The following IQGAP2 variants were observed in gnomAD, a reference collection of about 807,000 sequenced individuals.
IQGAP2 encodes the protein IQ motif containing GTPase activating protein 2, also known as ras GTPase-activating-like protein IQGAP2.
IQGAP2 carries 173 observed loss-of-function variants against 201.3 expected under a neutral mutation model. The ratio of observed to expected loss-of-function variants is 0.86; its 90% CI spans 0.76 to 0.98. The LOEUF is 0.98. Ranked by LOEUF, IQGAP2 falls within the 50% of genes least tolerant of loss-of-function variation. The probability of loss-of-function intolerance (pLI) is 0.00; values close to 1 mark genes in which losing one functional copy is unlikely to be tolerated. For synonymous variants in IQGAP2, 675 were observed against 673.9 expected, an observed-to-expected ratio of 1.00 and a Z score of -0.03; for missense variants, 1,687 against 1,864.8, an observed-to-expected ratio of 0.90 and a Z score of 1.76.
chr5:76,493,871 C>T (rs115401629), intron 2 of IQGAP2, among the ~76,000 whole-genome samples: 2,155 of 152,324 alleles, frequency 0.014, 63 homozygotes, highest in African/African-American at 0.05. Context: ...GATCCTGTCA[C>T]AGCCTAAATT....
chr5:76,547,590 G>T (rs1045562243), intron 2 of IQGAP2: 1 of 176,762 alleles, frequency 5.7e-6, no homozygotes, highest in African/African-American at 2.4e-5. Flanking sequence ...CCAGGAAGGA[G>T]AATCTGCTTC....
intron 1 of IQGAP2, among the ~76,000 whole-genome samples, chr5:76,410,898 A>G (rs1751070890): frequency 6.6e-6 from 1 of 152,138 alleles, no homozygotes; most frequent in South Asian, 2.1e-4. Flanking sequence ...CTCTAATTGG[A>G]CCTTCCTTTA....
chr5:76,705,236 T>G (rs1412823493), intron 35 of IQGAP2, among the ~76,000 whole-genome samples: 1 of 152,184 alleles, frequency 6.6e-6, no homozygotes, highest in Non-Finnish European at 1.5e-5. Flanking sequence ...TCTCATAGGA[T>G]TCCAGTTGAT....
intron 1 of IQGAP2, among the ~76,000 whole-genome samples, chr5:76,439,737 G>A (rs999429384): frequency 6.6e-6 from 1 of 151,896 alleles, no homozygotes; most frequent in African/African-American, 2.4e-5. Context: ...GTTTATTTGA[G>A]TCCCTGTATG....
At chr5:76,705,477 C>T (rs1747794009) in intron 35 of IQGAP2, among the ~76,000 whole-genome samples, 3 of 152,218 alleles carry the variant, frequency 2.0e-5, no homozygotes, top group African/African-American at 7.2e-5. Context: ...CTGCTCCCTA[C>T]TTTGGGGACC....
At chr5:76,456,273 C>T (rs1488988980) in intron 1 of IQGAP2, among the ~76,000 whole-genome samples, 1 of 152,164 alleles carries the variant, frequency 6.6e-6, no homozygotes, top group Non-Finnish European at 1.5e-5. Context: ...TTCATCGTTT[C>T]AGATTCTTTA....
At position 76,481,203 on chromosome 5, in the gene IQGAP2, C is replaced by A. The variant is rs567840957; in HGVS notation, c.146+19534C>A. Among the ~76,000 whole-genome samples the A allele has an allele frequency of 3.3e-5, 5 of 152,146 alleles. No homozygotes were observed. In the East Asian group the frequency reaches 9.7e-4, roughly 29 times the overall value. ...AGCAGCAGCCTTATATGGGAACTGA[C>A]AATATTGTCTCTACCGGGGCTGTCC... On this transcript the variant is annotated intron_variant, in intron 2 of 35. Transcript: ENST00000274364.
intron 5 of IQGAP2, among the ~76,000 whole-genome samples, chr5:76,584,568 G>A (rs1186158664): frequency 9.4e-6 from 1 of 105,836 alleles, no homozygotes; most frequent in Non-Finnish European, 2.0e-5. Flanking sequence ...CCTAGGACCA[G>A]CAGAACTATA....
At position 76,461,655 on chromosome 5, in the gene IQGAP2, A is replaced by G; in HGVS notation, c.132A>G (p.Leu44=). Residue 44 remains leucine (L), a synonymous_variant, in exon 2 of 36, where the codon TTA becomes TTG. Coordinates refer to ENST00000274364, the MANE Select transcript of IQGAP2 (RefSeq NM_006633.5). ...TTGCTTATGAATATCTGTGCCACTT[A>G]GAGGAAGCCAAAAGGTAAGATCCAG... The part of the protein sequence containing the change: ...QNIAYEYLCH[L]EEAKRWMEVC... 6.2e-7 allele frequency: 1 copy of G among 1,612,664 alleles called. No individual in the cohort carries two copies. The highest frequency in any genetic ancestry group is 1.3e-5 in the African/African-American group (1 of 75,016).
In IQGAP2 at chr5:76,496,765, C is replaced by G. The variant is rs1454281831; in HGVS notation, c.146+35096C>G. On this transcript the variant is annotated intron_variant, in intron 2 of 35. Transcript: ENST00000274364. ...TCTTTCTTTCTTTCTTTCTTTCTTT[C>G]TTTCTTTCTTTCTTTCTTTCTTTCT... Among the ~76,000 whole-genome samples, 297 of 72,028 alleles carry G rather than the reference C, an allele frequency of 4.1e-3. 4 individuals carry two copies. Among genetic ancestry groups the G allele is most frequent in the African/African-American group, 0.02 (285 of 14,156 alleles). 47.3% of individuals were successfully genotyped at this position (72,028 alleles called of 152,430 possible). A position where few individuals can be genotyped will look rare whatever the true frequency, so the allele number is the denominator to read the frequency against.
At chr5:76,582,905 G>A (rs1745974236) in intron 5 of IQGAP2, among the ~76,000 whole-genome samples, 1 of 152,198 alleles carries the variant, frequency 6.6e-6, no homozygotes, top group Admixed American at 6.5e-5. Context: ...AGGAGCACAT[G>A]GGTCAATGAG....
At position 76,695,750 on chromosome 5, in the gene IQGAP2, G is replaced by A. The variant is rs1332674357; in HGVS notation, c.4206+84G>A. The A allele has an allele frequency of 2.9e-6, 3 of 1,049,162 alleles. No homozygotes were observed. In the African/African-American group the frequency reaches 4.8e-5, roughly 17 times the overall value. The allele number at this position is 1,049,162 out of a possible 1,614,324, so 65.0% of individuals were successfully genotyped here. On this transcript the variant is annotated intron_variant, in intron 32 of 35. Coordinates refer to ENST00000274364, the MANE Select transcript of IQGAP2 (RefSeq NM_006633.5). ...CAAGTGCTGGGCACTCTGTGAGGTGGCATTAGGGATTCATGGTTGCATATG... is the reference window on the plus strand; with the variant it reads ...CAAGTGCTGGGCACTCTGTGAGGTGACATTAGGGATTCATGGTTGCATATG...
At chr5:76,669,312 G>A (rs895919881) in intron 23 of IQGAP2, among the ~76,000 whole-genome samples, 4 of 152,192 alleles carry the variant, frequency 2.6e-5, no homozygotes, top group African/African-American at 9.7e-5. Context: ...CATGAGAAAT[G>A]TCCTTAGCTC....
At chr5:76,413,880 A>G (rs1335705496) in intron 1 of IQGAP2, among the ~76,000 whole-genome samples, 3 of 152,192 alleles carry the variant, frequency 2.0e-5, no homozygotes, top group East Asian at 1.9e-4. Flanking sequence ...GGGTCAGCCA[A>G]CCTTGTGGTC....
At chr5:76,553,535 G>A (rs187759610) in intron 2 of IQGAP2, among the ~76,000 whole-genome samples, 7 of 152,266 alleles carry the variant, frequency 4.6e-5, no homozygotes, top group South Asian at 2.1e-4. Context: ...AACAACTTTC[G>A]TATGTTCTGC....
intron 28 of IQGAP2, 106 bp from the exon 29 acceptor site, chr5:76,683,003 CATATTT>C: frequency 1.7e-6 from 1 of 574,682 alleles, no homozygotes; most frequent in Non-Finnish European, 3.1e-6. Context: ...ATGTCATACT[CATATTT>C]AAGATTTAAA....
Position 76,403,317 on chromosome 5 carries a change from A to G in IQGAP2, c.-229A>G. 1 of 361,438 alleles carries G rather than the reference A, an allele frequency of 2.8e-6. No individual in the cohort carries two copies. 22.4% of individuals were successfully genotyped at this position (361,438 alleles called of 1,614,324 possible). Reference sequence around the variant, plus strand: ...CTGCGGGAGGCGGCGGCGACCGGCCAGGGAGCGAGGGAGGAGAGTTCACTT... The same window carrying G: ...CTGCGGGAGGCGGCGGCGACCGGCCGGGGAGCGAGGGAGGAGAGTTCACTT... On this transcript the variant is annotated 5_prime_UTR_variant, in exon 1 of 36. Transcript: ENST00000274364. The surrounding 1 kb of genome is among the most constrained non-coding windows in gnomAD (Gnocchi z 4.8).
At chr5:76,480,958 A>T (rs1407372351) in intron 2 of IQGAP2, among the ~76,000 whole-genome samples, 1 of 149,650 alleles carries the variant, frequency 6.7e-6, no homozygotes, top group Non-Finnish European at 1.5e-5. Context: ...TGTTTCCAAG[A>T]TGGCATCTTG....
intron 17 of IQGAP2, among the ~76,000 whole-genome samples, chr5:76,644,925 G>A (rs545813825): frequency 3.5e-4 from 53 of 152,226 alleles, no homozygotes; most frequent in African/African-American, 9.9e-4. Flanking sequence ...AGGTATACAC[G>A]TGCCATGGTG....
Sources: gnomAD v4.1 joint callset for allele counts (sites outside exome capture counted in the v4.1 genomes callset) on GRCh38, gnomAD v4.1.1 for gene constraint, Gnocchi (gnomAD v3.1) non-coding constraint, MANE v1.5 for transcripts, NCBI Gene and HGNC (gene_info 2026-07-23, HGNC 2026-07-21) for gene names.